TEX9: variants seen among roughly 807,000 people sequenced by gnomAD.
TEX9 encodes the protein testis-expressed protein 9.
TEX9 carries 74 observed loss-of-function variants against 59.6 expected under a neutral mutation model. That is an observed-to-expected ratio of 1.24 (90% CI 1.03 to 1.51). The LOEUF is 1.51. Ranked by LOEUF, TEX9 falls within the 40% of genes most tolerant of loss-of-function variation. TEX9 has a pLI of 0.00. For synonymous variants in TEX9, 186 were observed against 152.2 expected, an observed-to-expected ratio of 1.22 and a Z score of -1.64; for missense variants, 522 against 447.8, an observed-to-expected ratio of 1.17 and a Z score of -1.49.
chr15:56,376,904 C>T (rs1326385010), intron 3 of TEX9, among the ~76,000 whole-genome samples: 1 of 152,022 alleles, frequency 6.6e-6, no homozygotes, highest in Non-Finnish European at 1.5e-5. Context: ...TTTAAGTCTT[C>T]AATACATTTT....
intron 1 of TEX9, among the ~76,000 whole-genome samples, chr15:56,267,298 G>A (rs2044409055): frequency 6.6e-6 from 1 of 152,288 alleles, no homozygotes; most frequent in South Asian, 2.1e-4. Context: ...TCTGATGGTA[G>A]TTTCTTTTGC....
At chr15:56,402,125 T>G (rs1322233707) in intron 9 of TEX9, among the ~76,000 whole-genome samples, 1 of 151,996 alleles carries the variant, frequency 6.6e-6, no homozygotes, top group African/African-American at 2.4e-5. Context: ...AAGAAATAAC[T>G]AAGATCAGAG....
intron 1 of TEX9, among the ~76,000 whole-genome samples, chr15:56,286,376 C>T (rs1369427284): frequency 6.6e-6 from 1 of 152,150 alleles, no homozygotes; most frequent in Non-Finnish European, 1.5e-5. Flanking sequence ...AAAATGAGAT[C>T]TGTGGGGTCC....
chr15:56,420,533 A>G (rs2049932054), intron 10 of TEX9, among the ~76,000 whole-genome samples: 1 of 151,644 alleles, frequency 6.6e-6, no homozygotes, highest in Non-Finnish European at 1.5e-5. Flanking sequence ...GTCTCGAACT[A>G]CTAACCTCGT....
chr15:56,410,261 T>C (rs1412648071), intron 9 of TEX9: 2 of 152,192 alleles, frequency 1.3e-5, no homozygotes, highest in African/African-American at 2.4e-5. Context: ...TTATTTCTTA[T>C]CTGAATTTCT....
chr15:56,437,186 C>T (rs928590730), intron 12 of TEX9, among the ~76,000 whole-genome samples: 1 of 152,136 alleles, frequency 6.6e-6, no homozygotes, highest in Admixed American at 6.5e-5. Context: ...AGACCAATAT[C>T]CCTGATGAAC....
chr15:56,258,331 G>A (rs1432729579), intron 1 of TEX9, among the ~76,000 whole-genome samples: 9 of 151,966 alleles, frequency 5.9e-5, no homozygotes, highest in Non-Finnish European at 8.8e-5. Context: ...TGAAGAAGTC[G>A]ATGGTAGTTT....
chr15:56,277,523 G>A lies in TEX9; in HGVS notation c.-107+33245G>A, dbSNP rs1049913563. On this transcript the variant is annotated intron_variant, in intron 1 of 5. Coordinates refer to the TEX9 transcript ENST00000560827. ...ATTTCTGAGGCCTCTGTTTTGTTCC[G>A]TTGGTCTATAGATCTGTTTTGGTAC... Among the ~76,000 whole-genome samples, 12 of 151,988 alleles carry A rather than the reference G, an allele frequency of 7.9e-5. 1 individual carries two copies. The highest frequency in any genetic ancestry group is 2.1e-4 in the South Asian group (1 of 4,834).
At chr15:56,381,137 G>C (rs1352358099) in intron 3 of TEX9, among the ~76,000 whole-genome samples, 1 of 151,872 alleles carries the variant, frequency 6.6e-6, no homozygotes, top group Non-Finnish European at 1.5e-5. Flanking sequence ...TTTTCAAATA[G>C]CATGTCTTCA....
In TEX9 at chr15:56,427,607, C is replaced by T. The variant is rs577020970; in HGVS notation, c.966C>T (p.Asp322=). Residue 322 remains aspartate (D), a splice_region_variant and synonymous_variant, in exon 11 of 13, where the codon GAC becomes GAT. Coordinates refer to ENST00000352903, the Ensembl canonical transcript of TEX9. ...GGCACTTTTTTTTCCTTGTGTAGGA[C>T]ATAGCAAATGAAGAACACAAAAAAA... The T allele has an allele frequency of 3.3e-6, 5 of 1,519,272 alleles. No individual in the cohort carries two copies. The East Asian group carries it at 9.7e-5, about 30-fold the overall frequency. 94.1% of individuals were successfully genotyped at this position (1,519,272 alleles called of 1,614,324 possible). A position where few individuals can be genotyped will look rare whatever the true frequency, so the allele number is the denominator to read the frequency against.
At chr15:56,446,909 C>G, downstream of TEX9, 1 of 1,609,422 alleles carries the variant, frequency 6.2e-7, no homozygotes, top group Non-Finnish European at 8.5e-7. Flanking sequence ...ATGTAAGCTG[C>G]TTTTAATTTC....
At chr15:56,251,394 G>T (rs915059010) in intron 1 of TEX9, among the ~76,000 whole-genome samples, 3 of 152,086 alleles carry the variant, frequency 2.0e-5, no homozygotes, top group Non-Finnish European at 4.4e-5. Flanking sequence ...TGGCCCCCTA[G>T]TTGGAACAGG....
At chr15:56,458,804 G>C in the TEX9 span, among the ~76,000 whole-genome samples, 1 of 152,028 alleles carries the variant, frequency 6.6e-6, no homozygotes. Context: ...TTTTGGCACT[G>C]AATAATATTC....
intron 12 of TEX9, chr15:56,428,700 C>CT: frequency 2.6e-6 from 1 of 384,922 alleles, no homozygotes; most frequent in Non-Finnish European, 4.6e-6. Flanking sequence ...ATTCTCCTCC[C>CT]TTACAGTAGA....
chr15:56,288,544 A>T (rs1294636998), intron 1 of TEX9, among the ~76,000 whole-genome samples: 2 of 151,946 alleles, frequency 1.3e-5, no homozygotes, highest in Non-Finnish European at 2.9e-5. Context: ...TCCCTTCAGC[A>T]CTTTGAATAT....
chr15:56,266,759 C>T (rs1385477698), intron 1 of TEX9, among the ~76,000 whole-genome samples: 3 of 152,128 alleles, frequency 2.0e-5, no homozygotes, highest in Admixed American at 1.3e-4. Flanking sequence ...CAAGTCTTTG[C>T]TATTGTGAAT....
intron 12 of TEX9, among the ~76,000 whole-genome samples, chr15:56,440,802 G>C (rs1234163565): frequency 6.6e-6 from 1 of 152,048 alleles, no homozygotes; most frequent in African/African-American, 2.4e-5. Flanking sequence ...CCATGTTTTA[G>C]CATGATCAGT....
intron 1 of TEX9, among the ~76,000 whole-genome samples, chr15:56,359,301 T>A (rs1421096618): frequency 6.6e-6 from 1 of 152,188 alleles, no homozygotes; most frequent in Non-Finnish European, 1.5e-5. Context: ...ATAATCTTTA[T>A]CCATTTTCAG....
downstream of TEX9, among the ~76,000 whole-genome samples, chr15:56,448,428 C>T (rs2050923629): frequency 6.6e-6 from 1 of 152,062 alleles, no homozygotes; most frequent in African/African-American, 2.4e-5. Flanking sequence ...CTGTTGTTCC[C>T]ATATATGTCT....
Sources: gnomAD v4.1 joint callset for allele counts (sites outside exome capture counted in the v4.1 genomes callset) on GRCh38, gnomAD v4.1.1 for gene constraint, MANE v1.5 for transcripts, NCBI Gene and HGNC (gene_info 2026-07-23, HGNC 2026-07-21) for gene names.